The following AHCTF1 variants were observed in gnomAD, a reference collection of about 807,000 sequenced individuals.
AHCTF1 encodes AT-hook containing transcription factor 1.
A neutral mutation model predicts 248.4 loss-of-function variants in AHCTF1; 24 were observed. The ratio of observed to expected loss-of-function variants is 0.10; its 90% CI spans 0.07 to 0.14. The LOEUF is 0.14. AHCTF1 is among the 10% of genes least tolerant of loss of function. The pLI is 1.00. For missense variants in AHCTF1, 2,206 were observed against 2,636.2 expected, an observed-to-expected ratio of 0.84 and a Z score of 3.57; for synonymous variants, 786 against 929.8, an observed-to-expected ratio of 0.85 and a Z score of 2.81.
intron 1 of AHCTF1, among the ~76,000 whole-genome samples, chr1:246,923,485 A>G (rs1666720336): frequency 6.6e-6 from 1 of 152,230 alleles, no homozygotes; most frequent in Non-Finnish European, 1.5e-5. Context: ...GATATAGGCT[A>G]GTAATGGACA....
At chr1:246,879,592 G>A (rs79618149) in intron 21 of AHCTF1, among the ~76,000 whole-genome samples, 3,619 of 152,236 alleles carry the variant, frequency 0.024, 139 homozygotes, top group African/African-American at 0.082. Flanking sequence ...GGGAGACCGA[G>A]ACAGGTGGAT....
intron 1 of AHCTF1, among the ~76,000 whole-genome samples, chr1:246,930,658 C>A (rs182432605): frequency 1.5e-4 from 23 of 152,166 alleles, no homozygotes; most frequent in African/African-American, 5.3e-4. Context: ...AGCGATCCTC[C>A]CGCCTCAGCC....
chr1:246,861,878 G>C (rs1558223256), intron 28 of AHCTF1, 81 bp downstream of exon 28: 2 of 1,193,108 alleles, frequency 1.7e-6, no homozygotes, highest in South Asian at 1.6e-5. Flanking sequence ...TTAAAAACTT[G>C]ATTTATCTAA....
chr1:246,903,655 C>T (rs552112047), intron 7 of AHCTF1, among the ~76,000 whole-genome samples: 8 of 114,510 alleles, frequency 7.0e-5, no homozygotes, highest in African/African-American at 2.5e-4. Context: ...TGGTGAGACC[C>T]CCCCCCCTCC....
intron 20 of AHCTF1, among the ~76,000 whole-genome samples, chr1:246,886,401 ATAAAC>A (rs1280718623): frequency 6.6e-6 from 1 of 152,198 alleles, no homozygotes; most frequent in Admixed American, 6.5e-5. Flanking sequence ...ACAATACAGA[ATAAAC>A]TATTCACACA....
At chr1:246,892,981 G>T (rs1212739269) in intron 14 of AHCTF1, among the ~76,000 whole-genome samples, 2 of 152,026 alleles carry the variant, frequency 1.3e-5, no homozygotes, top group African/African-American at 4.8e-5. Context: ...TGCTTTGTAT[G>T]TTAATTATTC....
Position 246,860,958 on chromosome 1 carries a change from T to A in AHCTF1, c.4073A>T (p.Asp1358Val), listed in dbSNP as rs1477766237. 8 of 1,613,640 alleles carry A rather than the reference T, an allele frequency of 5.0e-6. No individual in the cohort carries two copies. Among genetic ancestry groups the A allele is most frequent in the Non-Finnish European group, 6.8e-6 (8 of 1,179,646 alleles). ...TGATGCAAATACATCTTTATCTCCA[T>A]CCTTTTCAGTTTGTTCAGTTACATT... ...TTNVTEQTEK[D>V]GDKDVFASEV... Residue 1358 changes from aspartate to valine, a missense_variant, in exon 29 of 36, where the codon GAT becomes GTT. Physicochemically the swap from Asp to Val is radical, Grantham distance 152. Transcript: ENST00000648844.
chr1:246,880,224 TTA>T (rs142808731), intron 21 of AHCTF1, among the ~76,000 whole-genome samples: 2,642 of 150,454 alleles, frequency 0.018, 79 homozygotes, highest in African/African-American at 0.06. Flanking sequence ...ATGTTATTTG[TTA>T]TATATATATA....
At chr1:246,929,208 A>C (rs755660997) in intron 1 of AHCTF1, among the ~76,000 whole-genome samples, 17 of 152,238 alleles carry the variant, frequency 1.1e-4, no homozygotes, top group Admixed American at 2.0e-4. Flanking sequence ...CAGGAGTTCG[A>C]GATCACCCTG....
intron 11 of AHCTF1, among the ~76,000 whole-genome samples, chr1:246,898,721 G>GTA (rs1436263897): frequency 2.0e-5 from 3 of 151,666 alleles, no homozygotes; most frequent in Non-Finnish European, 4.4e-5. Context: ...TTGATATTAA[G>GTA]TATAAATACA....
At chr1:246,926,116 T>C (rs1473235705) in intron 1 of AHCTF1, among the ~76,000 whole-genome samples, 1 of 150,138 alleles carries the variant, frequency 6.7e-6, no homozygotes, top group Admixed American at 6.7e-5. Flanking sequence ...TATCCTGCTC[T>C]CCCTTTGCCT....
At chr1:246,909,650 GA>G (rs1210816422) in intron 4 of AHCTF1, among the ~76,000 whole-genome samples, 1 of 152,158 alleles carries the variant, frequency 6.6e-6, no homozygotes, top group Non-Finnish European at 1.5e-5. Context: ...ATGCCAAAGA[GA>G]AGCTGTAAAG....
At position 246,851,028 on chromosome 1, in the gene AHCTF1, C is replaced by T; in HGVS notation, c.4978G>A (p.Val1660Met). The T allele has an allele frequency of 6.2e-7, 1 of 1,613,966 alleles. No individual in the cohort carries two copies. The highest frequency in any genetic ancestry group is 8.5e-7 in the Non-Finnish European group (1 of 1,179,872). Residue 1660 changes from valine to methionine, a missense_variant, in exon 33 of 36, where the codon GTG becomes ATG. Physicochemically the swap from Val to Met is conservative, Grantham distance 21. Transcript: ENST00000648844. ...KSQKVDTLPY[V>M]PEPIKVAIAE... is the part of the protein sequence containing the mutation. ...ATTGCTACTTTAATAGGTTCAGGCA[C>T]ATATGGTAAAGTGTCTACTTTTTGG...
At chr1:246,849,072 A>C (rs1660501427) in intron 33 of AHCTF1, among the ~76,000 whole-genome samples, 1 of 152,156 alleles carries the variant, frequency 6.6e-6, no homozygotes, top group Non-Finnish European at 1.5e-5. Context: ...CCCTGTTGAG[A>C]AGCTCTGACC....
chr1:246,870,782 C>T (rs1662538451), intron 24 of AHCTF1, among the ~76,000 whole-genome samples: 1 of 150,926 alleles, frequency 6.6e-6, no homozygotes, highest in Non-Finnish European at 1.5e-5. Context: ...GGTGTCCTTC[C>T]CAGGACAGGA....
At chr1:246,931,118 G>A (rs999463070) in intron 1 of AHCTF1, 2 of 1,549,012 alleles carry the variant, frequency 1.3e-6, no homozygotes, top group African/African-American at 1.4e-5. Flanking sequence ...TTCCCCGCCA[G>A]GACTACTCAC....
intron 23 of AHCTF1, among the ~76,000 whole-genome samples, chr1:246,876,650 C>G (rs937788159): frequency 6.6e-6 from 1 of 152,114 alleles, no homozygotes; most frequent in Non-Finnish European, 1.5e-5. Flanking sequence ...CTTCCTCTAC[C>G]ACACAATGAT....
intron 8 of AHCTF1, among the ~76,000 whole-genome samples, chr1:246,901,045 T>G (rs1664960122): frequency 6.6e-6 from 1 of 151,960 alleles, no homozygotes; most frequent in East Asian, 1.9e-4. Context: ...GAATGGGGAA[T>G]AAGAGAGAGC....
At chr1:246,920,283 CTAATA>C (rs949815888) in intron 1 of AHCTF1, among the ~76,000 whole-genome samples, 3 of 151,148 alleles carry the variant, frequency 2.0e-5, no homozygotes, top group African/African-American at 7.3e-5. Context: ...AAGTAAATGT[CTAATA>C]TATTTGTGTA....
Sources: allele counts gnomAD v4.1 joint callset (sites outside exome capture counted in the v4.1 genomes callset), GRCh38; gene constraint gnomAD v4.1.1; transcripts MANE v1.5; gene names NCBI Gene and HGNC (gene_info 2026-07-23, HGNC 2026-07-21).